SYNGR2: variants seen among roughly 807,000 people sequenced by gnomAD.
SYNGR2 encodes synaptogyrin-2.
SYNGR2 carries 11 observed loss-of-function variants against 18.7 expected under a neutral mutation model. That is an observed-to-expected ratio of 0.59 (90% confidence interval 0.37 to 0.97). The LOEUF is 0.97. Among genes scored for constraint, SYNGR2 ranks in the 50% least tolerant of loss-of-function variants. The pLI is 0.01. For missense variants in SYNGR2, 253 were observed against 300.7 expected, an observed-to-expected ratio of 0.84 and a Z score of 1.17; for synonymous variants, 127 against 131.0, an observed-to-expected ratio of 0.97 and a Z score of 0.21.
At position 78,172,247 on chromosome 17, in the gene SYNGR2, G is replaced by A; in HGVS notation, c.*311G>A. On this transcript the variant is annotated 3_prime_UTR_variant, in exon 4 of 4. Transcript: ENST00000225777. ...TGGCTAGAAGCCAGCAGGTGCCCAT[G>A]TGCTACTGACAAGTGCCTCAGCTTC... 8.8e-6 allele frequency: 5 copies of A among 571,336 alleles called. No homozygotes were observed. The South Asian group carries it at 1.0e-4, about 12-fold the overall frequency. The allele number at this position is 571,336 out of a possible 1,614,324, so 35.4% of individuals were successfully genotyped here.
At chr17:78,170,637 A>T in intron 1 of SYNGR2, 180 bp from the exon 2 acceptor site, 1 of 660,306 alleles carries the variant, frequency 1.5e-6, no homozygotes, top group South Asian at 1.7e-5. Context: ...GTGAGCCGAG[A>T]TCGCACTATT....
At position 78,171,606 on chromosome 17, in the gene SYNGR2, T is replaced by C. The variant is rs1438131645; in HGVS notation, c.434T>C (p.Val145Ala). 6.4e-7 allele frequency: 1 copy of C among 1,573,384 alleles called. No individual in the cohort carries two copies. Among genetic ancestry groups the C allele is most frequent in the Non-Finnish European group, 8.6e-7 (1 of 1,156,910 alleles). The change falls in exon 3 of 4, where the codon GTG becomes GCG. Residue 145 changes from valine to alanine, a missense_variant. By Grantham distance (64) the Val-to-Ala change is moderately conservative. Transcript: ENST00000225777. This position sits in a 1 kb window ranked among gnomAD's most constrained non-coding sequence, Gnocchi z 6.6. ...GACGTGCTGGTGGGGGCCGACTCTG[T>C]GAGGGCAGCCATCACCTTCAGCTTC... Reference protein sequence around the residue: ...PKDVLVGADSVRAAITFSFFS... With the variant: ...PKDVLVGADSARAAITFSFFS...
Position 78,171,458 on chromosome 17 carries a change from T to C in SYNGR2, c.338-52T>C. ...CTGCCCGCGTCCCCTCCCAGAGTCC[T>C]GGAAAGCCCCTCCCTTTCCATGGAA... On this transcript the variant is annotated intron_variant, in intron 2 of 3. Coordinates refer to ENST00000225777, the MANE Select transcript of SYNGR2 (RefSeq NM_004710.7). This position sits in a 1 kb window ranked among gnomAD's most constrained non-coding sequence, Gnocchi z 6.6. The C allele has an allele frequency of 1.3e-6, 2 of 1,510,872 alleles. No homozygotes were observed. Among genetic ancestry groups the C allele is most frequent in the Non-Finnish European group, 1.8e-6 (2 of 1,130,338 alleles). The allele number at this position is 1,510,872 out of a possible 1,614,324, so 93.6% of individuals were successfully genotyped here. A position where few individuals can be genotyped will look rare whatever the true frequency, so the allele number is the denominator to read the frequency against.
In SYNGR2 at chr17:78,172,006, C is replaced by G. The variant is rs1181554759; in HGVS notation, c.*70C>G. On this transcript the variant is annotated 3_prime_UTR_variant, in exon 4 of 4. Coordinates refer to ENST00000225777, the MANE Select transcript of SYNGR2 (RefSeq NM_004710.7). ...TGCCCTGGACTTTCCCATGAGCCTC[C>G]TGGAACTGCCAGCCCCTCTCTTTCA... 6.3e-7 allele frequency: 1 copy of G among 1,599,070 alleles called. No individual in the cohort carries two copies. Among genetic ancestry groups the G allele is most frequent in the Admixed American group, 1.7e-5 (1 of 59,694 alleles).
In SYNGR2 at chr17:78,171,188, T is replaced by C; in HGVS notation, c.337+134T>C. The C allele has an allele frequency of 1.1e-6, 1 of 891,660 alleles. No homozygotes were observed. Among genetic ancestry groups the C allele is most frequent in the Non-Finnish European group, 1.7e-6 (1 of 582,536 alleles). The allele number at this position is 891,660 out of a possible 1,614,324, so 55.2% of individuals were successfully genotyped here. A position where few individuals can be genotyped will look rare whatever the true frequency, so the allele number is the denominator to read the frequency against. On this transcript the variant is annotated intron_variant, in intron 2 of 3. Transcript: ENST00000225777. The surrounding 1 kb of genome is among the most constrained non-coding windows in gnomAD (Gnocchi z 6.6). ...CTCCAGGGCATTTTTAGGAAAGGGT[T>C]TTCAGCTAGTGTTTTTCCGTGCTTG...
Position 78,171,701 on chromosome 17 carries a change from C to A in SYNGR2, c.478-38C>A, listed in dbSNP as rs755932977. ...GGTCAAGGGTGGTGGAGGGTGGGGTCCCCCACCCACCTGTACCCTGCTGTG... is the reference window on the plus strand; with the variant it reads ...GGTCAAGGGTGGTGGAGGGTGGGGTACCCCACCCACCTGTACCCTGCTGTG... On this transcript the variant is annotated intron_variant, in intron 3 of 3. Transcript: ENST00000225777. This position sits in a 1 kb window ranked among gnomAD's most constrained non-coding sequence, Gnocchi z 6.6. 1 of 1,612,986 alleles carries A rather than the reference C, an allele frequency of 6.2e-7. No individual in the cohort carries two copies. Among genetic ancestry groups the A allele is most frequent in the South Asian group, 1.1e-5 (1 of 91,058 alleles).
downstream of SYNGR2, chr17:78,172,901 T>C (rs892476342): frequency 2.6e-5 from 4 of 152,244 alleles, no homozygotes; most frequent in African/African-American, 9.7e-5. Context: ...CACAAGCCTT[T>C]CATCAACATC....
At chr17:78,172,840 C>A (rs941021221), downstream of SYNGR2, 2 of 152,452 alleles carry the variant, frequency 1.3e-5, no homozygotes, top group African/African-American at 4.8e-5. Context: ...CAATCCGCCC[C>A]CTCCAGCCTG....
In SYNGR2 at chr17:78,171,800, A is replaced by T; in HGVS notation, c.539A>T (p.Asn180Ile). ...YKAGVDDFIQ[N>I]YVDPTPDPNT... Reference sequence around the variant, plus strand: ...GCTGGCGTGGACGACTTCATCCAGAATTACGTTGACCCCACTCCGGACCCC... The same window carrying T: ...GCTGGCGTGGACGACTTCATCCAGATTTACGTTGACCCCACTCCGGACCCC... Residue 180 changes from asparagine (N) to isoleucine (I), a missense_variant, in exon 4 of 4, where the codon AAT becomes ATT. Coordinates refer to ENST00000225777, the MANE Select transcript of SYNGR2 (RefSeq NM_004710.7). The surrounding 1 kb of genome is among the most constrained non-coding windows in gnomAD (Gnocchi z 6.6). 6.2e-7 allele frequency: 1 copy of T among 1,613,970 alleles called. No homozygotes were observed. The highest frequency in any genetic ancestry group is 8.5e-7 in the Non-Finnish European group (1 of 1,179,964).
At position 78,168,711 on chromosome 17, in the gene SYNGR2, G is replaced by C; in HGVS notation, c.95G>C (p.Cys32Ser). 1 of 1,199,952 alleles carries C rather than the reference G, an allele frequency of 8.3e-7. No individual in the cohort carries two copies. Among genetic ancestry groups the C allele is most frequent in the Non-Finnish European group, 1.0e-6 (1 of 967,386 alleles). 74.3% of individuals were successfully genotyped at this position (1,199,952 alleles called of 1,614,324 possible). Residue 32 changes from cysteine (C) to serine (S), a missense_variant, in exon 1 of 4, where the codon TGC becomes TCC. Coordinates refer to ENST00000225777, the MANE Select transcript of SYNGR2 (RefSeq NM_004710.7). ...TQPQVVARAV[C>S]LVFALIVFSC... ...CCGCAGGTGGTGGCGCGCGCCGTGT[G>C]CTTGGTGAGCCCGGGGAGGGCGGGC... is the stretch of plus-strand genomic sequence containing the variant.
Position 78,171,631 on chromosome 17 carries a change from CT to C in SYNGR2, c.463del (p.Ser155ProfsTer92). On this transcript the variant is annotated frameshift_variant, in exon 3 of 4. Coordinates refer to ENST00000225777, the MANE Select transcript of SYNGR2 (RefSeq NM_004710.7). LOFTEE classifies it high-confidence loss of function. This position sits in a 1 kb window ranked among gnomAD's most constrained non-coding sequence, Gnocchi z 6.6. ...SVRAAITFSF[F>X]SIFSWGVLAS... ...TGAGGGCAGCCATCACCTTCAGCTT[CT>C]TTTCCATCTTCTCCTGGGTAGGATG... 1 of 1,593,432 alleles carries C rather than the reference CT, an allele frequency of 6.3e-7. No individual in the cohort carries two copies. Among genetic ancestry groups the C allele is most frequent in the Non-Finnish European group, 8.6e-7 (1 of 1,166,474 alleles).
chr17:78,169,474 G>A (rs1195290106), intron 1 of SYNGR2, among the ~76,000 whole-genome samples: 1 of 152,176 alleles, frequency 6.6e-6, no homozygotes, highest in Non-Finnish European at 1.5e-5. Context: ...CAAGAATCAG[G>A]TGCCCAGTGG....
Position 78,171,809 on chromosome 17 carries a change from A to G in SYNGR2, c.548A>G (p.Asp183Gly). ...GACGACTTCATCCAGAATTACGTTG[A>G]CCCCACTCCGGACCCCAACACTGCC... is the stretch of plus-strand genomic sequence containing the variant. ...GVDDFIQNYV[D>G]PTPDPNTAYA... The change falls in exon 4 of 4, where the codon GAC becomes GGC. Residue 183 changes from aspartate (D) to glycine (G), a missense_variant. Physicochemically the swap from Asp to Gly is moderately conservative, Grantham distance 94. Transcript: ENST00000225777. The surrounding 1 kb of genome is among the most constrained non-coding windows in gnomAD (Gnocchi z 6.6). 1.2e-6 allele frequency: 2 copies of G among 1,613,578 alleles called. No homozygotes were observed. Among genetic ancestry groups the G allele is most frequent in the Non-Finnish European group, 1.7e-6 (2 of 1,179,872 alleles).
In SYNGR2 at chr17:78,172,338, G is replaced by A; in HGVS notation, c.*402G>A. 1 of 411,816 alleles carries A rather than the reference G, an allele frequency of 2.4e-6. No homozygotes were observed. Among genetic ancestry groups the A allele is most frequent in the South Asian group, 3.6e-5 (1 of 28,056 alleles). The allele number at this position is 411,816 out of a possible 1,614,324, so 25.5% of individuals were successfully genotyped here. ...CGTTCTCTGCCAAAGACTCGTGGGG[G>A]CCATCACACCTGCCCTGTGCAGCGG... On this transcript the variant is annotated 3_prime_UTR_variant, in exon 4 of 4. Coordinates refer to ENST00000225777, the MANE Select transcript of SYNGR2 (RefSeq NM_004710.7).
At chr17:78,168,844 GC>G in intron 1 of SYNGR2, 129 bp downstream of exon 1, 1 of 790,444 alleles carries the variant, frequency 1.3e-6, no homozygotes, top group African/African-American at 1.8e-5. Context: ...GGCGAGCGGG[GC>G]CGGCGTCCAG....
At position 78,170,923 on chromosome 17, in the gene SYNGR2, G is replaced by A. The variant is rs373817129; in HGVS notation, c.206G>A (p.Arg69His). ...TTCAACCGCAACGAGGATGCCTGCCGCTATGGCAGTGCCATCGGGGTGCTG... is the reference window on the plus strand; with the variant it reads ...TTCAACCGCAACGAGGATGCCTGCCACTATGGCAGTGCCATCGGGGTGCTG... Reference protein sequence around the residue: ...CVFNRNEDACRYGSAIGVLAF... With the variant: ...CVFNRNEDACHYGSAIGVLAF... Residue 69 changes from arginine to histidine, a missense_variant, in exon 2 of 4, where the codon CGC (arginine) becomes CAC (histidine). Coordinates refer to ENST00000225777, the MANE Select transcript of SYNGR2 (RefSeq NM_004710.7). 5.6e-6 allele frequency: 9 copies of A among 1,613,452 alleles called. No homozygotes were observed. The highest frequency in any genetic ancestry group is 2.2e-5 in the South Asian group (2 of 91,088).
chr17:78,171,736 C>T lies in SYNGR2; in HGVS notation c.478-3C>T. ...CCTGTACCCTGCTGTGCTCCCCCTG[C>T]AGGGTGTGCTGGCCTCCCTGGCCTA... On this transcript the variant is annotated splice_region_variant and splice_polypyrimidine_tract_variant and intron_variant, in intron 3 of 3. Transcript: ENST00000225777. The surrounding 1 kb of genome is among the most constrained non-coding windows in gnomAD (Gnocchi z 6.6). The T allele has an allele frequency of 6.2e-7, 1 of 1,614,040 alleles. No homozygotes were observed. The highest frequency in any genetic ancestry group is 8.5e-7 in the Non-Finnish European group (1 of 1,179,974).
At chr17:78,168,808 G>C (rs1437028321) in intron 1 of SYNGR2, 93 bp downstream of exon 1, 2 of 1,085,192 alleles carry the variant, frequency 1.8e-6, no homozygotes, top group African/African-American at 1.7e-5. Flanking sequence ...CGCGACAGGT[G>C]GCGGCGGCCG....
At position 78,170,919 on chromosome 17, in the gene SYNGR2, T is replaced by C; in HGVS notation, c.202T>C (p.Cys68Arg). ...YCVFNRNEDACRYGSAIGVLA... is the reference protein window; with the variant it reads ...YCVFNRNEDARRYGSAIGVLA... ...CGTGTTCAACCGCAACGAGGATGCC[T>C]GCCGCTATGGCAGTGCCATCGGGGT... Residue 68 changes from cysteine (C) to arginine (R), a missense_variant, in exon 2 of 4, where the codon TGC (cysteine) becomes CGC (arginine). Coordinates refer to ENST00000225777, the MANE Select transcript of SYNGR2 (RefSeq NM_004710.7). 1 of 1,613,534 alleles carries C rather than the reference T, an allele frequency of 6.2e-7. No homozygotes were observed. Among genetic ancestry groups the C allele is most frequent in the Non-Finnish European group, 8.5e-7 (1 of 1,180,026 alleles).
Sources: allele counts gnomAD v4.1 joint callset (sites outside exome capture counted in the v4.1 genomes callset), GRCh38; gene constraint gnomAD v4.1.1; non-coding constraint Gnocchi (gnomAD v3.1); transcripts MANE v1.5; gene names NCBI Gene and HGNC (gene_info 2026-07-23, HGNC 2026-07-21).